ZNF671: variants seen among roughly 807,000 people sequenced by gnomAD.
ZNF671 encodes the protein zinc finger protein 671.
ZNF671 carries 19 observed loss-of-function variants against 16.6 expected under a neutral mutation model. The observed-to-expected ratio is 1.14, with a 90% CI of 0.80 to 1.68. The LOEUF (loss-of-function observed/expected upper bound fraction) is 1.68, where lower values mean the gene tolerates loss of function less well. Ranked by LOEUF, ZNF671 falls within the 40% of genes most tolerant of loss-of-function variation. The pLI is 0.00. For missense variants in ZNF671, 637 were observed against 659.8 expected (o/e 0.97, Z 0.38); for synonymous variants, 238 against 236.3 (o/e 1.01, Z -0.06).
At chr19:57,721,778 A>C in intron 3 of ZNF671, 81 bp from the exon 4 acceptor site, 1 of 1,512,198 alleles carries the variant, frequency 6.6e-7, no homozygotes, top group East Asian at 2.3e-5. Context: ...CATTTGACAC[A>C]TGCAGGAATA....
intron 1 of ZNF671, among the ~76,000 whole-genome samples, chr19:57,724,692 A>T (rs1985988291): frequency 6.6e-6 from 1 of 151,960 alleles, no homozygotes; most frequent in Non-Finnish European, 1.5e-5. Context: ...TGCCCGGCTA[A>T]TTTTTTGTAT....
chr19:57,720,751 T>C lies in ZNF671; in HGVS notation c.1335A>G (p.Arg445=). 1 of 1,614,208 alleles carries C rather than the reference T, an allele frequency of 6.2e-7. No individual in the cohort carries two copies. Among genetic ancestry groups the C allele is most frequent in the Non-Finnish European group, 8.5e-7 (1 of 1,180,036 alleles). Residue 445 remains arginine (R), a synonymous_variant, in exon 4 of 4, where the codon AGA becomes AGG. Coordinates refer to ENST00000317398, the MANE Select transcript of ZNF671 (RefSeq NM_024833.3). The part of the protein sequence containing the change: ...SQSSHLNVHW[R]IHSSDYECSR... Reference sequence around the variant, plus strand: ...TACACTCATAATCACTGCTGTGAATTCTCCAGTGTACATTAAGGTGGGAGC... The same window carrying C: ...TACACTCATAATCACTGCTGTGAATCCTCCAGTGTACATTAAGGTGGGAGC...
Position 57,721,068 on chromosome 19 carries a change from G to A in ZNF671, c.1018C>T (p.Pro340Ser). 6.2e-7 allele frequency: 1 copy of A among 1,614,150 alleles called. No individual in the cohort carries two copies. The highest frequency in any genetic ancestry group is 8.5e-7 in the Non-Finnish European group (1 of 1,180,028). Residue 340 changes from proline to serine, a missense_variant, in exon 4 of 4, where the codon CCA becomes TCA. Pro to Ser is a moderately conservative substitution (Grantham distance 74). Coordinates refer to ENST00000317398, the MANE Select transcript of ZNF671 (RefSeq NM_024833.3). ...TTCCCACATTCGCTGCACTCGTATGGCCTTTCTCCAGTGTGAACTGTCTGG... is the reference window on the plus strand; with the variant it reads ...TTCCCACATTCGCTGCACTCGTATGACCTTTCTCCAGTGTGAACTGTCTGG... ...KHQTVHTGERPYECSECGKFF... is the reference protein window; with the variant it reads ...KHQTVHTGERSYECSECGKFF...
chr19:57,726,442 C>T (rs1191365039), intron 1 of ZNF671, among the ~76,000 whole-genome samples: 1 of 152,082 alleles, frequency 6.6e-6, no homozygotes, highest in Non-Finnish European at 1.5e-5. Flanking sequence ...TACCCTACAG[C>T]TCTCTCCTCC....
At chr19:57,727,366 A>T in intron 1 of ZNF671, 25 bp downstream of exon 1, 4 of 1,579,280 alleles carry the variant, frequency 2.5e-6, no homozygotes, top group Non-Finnish European at 3.5e-6. Context: ...AGGGTGACTG[A>T]GGGCCCGGAG....
rs1985798927 is a variant in ZNF671 at position 57,720,184 on chromosome 19, G to C, written c.*297C>G. ...ATCTCACATACTTGACACTCACAGG[G>C]AATCTCCCCAGTGGGAATGTCCATA... On this transcript the variant is annotated 3_prime_UTR_variant, in exon 4 of 4. Coordinates refer to ENST00000317398, the MANE Select transcript of ZNF671 (RefSeq NM_024833.3). The C allele has an allele frequency of 1.0e-5, 4 of 401,838 alleles. No individual in the cohort carries two copies. Among genetic ancestry groups the C allele is most frequent in the Non-Finnish European group, 1.8e-5 (4 of 220,690 alleles). The allele number at this position is 401,838 out of a possible 1,614,324, so 24.9% of individuals were successfully genotyped here.
rs775580998 is a variant in ZNF671, at chr19:57,720,692, T to G, written c.1394A>C (p.Lys465Thr). 4.3e-6 allele frequency: 7 copies of G among 1,614,074 alleles called. No individual in the cohort carries two copies. The Admixed American group carries it at 5.0e-5, about 12-fold the overall frequency. ...RCGKAFSCIS[K>T]LIQHQKVHSG... ...GTGAACTTTCTGGTGCTGAATGAGT[T>G]TGGAGATGCAGCTGAAAGCTTTACC... Residue 465 changes from lysine (K) to threonine (T), a missense_variant, in exon 4 of 4, where the codon AAA becomes ACA. Lys to Thr is a moderately conservative substitution (Grantham distance 78). Transcript: ENST00000317398.
Position 57,727,577 on chromosome 19 carries a change from A to G in ZNF671, c.-49T>C. 1.3e-6 allele frequency: 2 copies of G among 1,565,688 alleles called. No individual in the cohort carries two copies. The highest frequency in any genetic ancestry group is 1.7e-6 in the Non-Finnish European group (2 of 1,148,460). ...TCCACCTGCGGCCCACACAAGCGTT[A>G]CAGAACCCCGGCCAGGGACAGCCTG... On this transcript the variant is annotated 5_prime_UTR_variant, in exon 1 of 4. Coordinates refer to ENST00000317398, the MANE Select transcript of ZNF671 (RefSeq NM_024833.3).
chr19:57,721,819 C>T (rs910990708), intron 3 of ZNF671, 122 bp from the exon 4 acceptor site: 17 of 1,363,194 alleles, frequency 1.2e-5, no homozygotes, highest in African/African-American at 5.8e-5. Flanking sequence ...GAATGAGAGG[C>T]ATGGTCAGAG....
In ZNF671 at chr19:57,727,423, C is replaced by T. The variant is rs1986086668; in HGVS notation, c.106G>A (p.Gly36Ser). 6.2e-7 allele frequency: 1 copy of T among 1,612,924 alleles called. No individual in the cohort carries two copies. The highest frequency in any genetic ancestry group is 8.5e-7 in the Non-Finnish European group (1 of 1,179,510). ...GAGTCCGTTAGCTCCGCCATAGGACCGTGGGCGCGGACAGCTGCCGGGAGC... is the reference window on the plus strand; with the variant it reads ...GAGTCCGTTAGCTCCGCCATAGGACTGTGGGCGCGGACAGCTGCCGGGAGC... ...LPLPAAVRAH[G>S]PMAELTDSAR... The change falls in exon 1 of 4, where the codon GGT (glycine) becomes AGT (serine). Residue 36 changes from glycine to serine, a missense_variant. Physicochemically the swap from Gly to Ser is moderately conservative, Grantham distance 56. Coordinates refer to ENST00000317398, the MANE Select transcript of ZNF671 (RefSeq NM_024833.3).
intron 1 of ZNF671, among the ~76,000 whole-genome samples, chr19:57,726,073 G>T: frequency 6.7e-6 from 1 of 148,518 alleles, no homozygotes; most frequent in Non-Finnish European, 1.5e-5. Context: ...CACGGTGAAC[G>T]TCCCCCCCAC....
At position 57,721,660 on chromosome 19, in the gene ZNF671, A is replaced by G; in HGVS notation, c.426T>C (p.Ser142=). 1.2e-6 allele frequency: 2 copies of G among 1,614,086 alleles called. No homozygotes were observed. The highest frequency in any genetic ancestry group is 1.1e-5 in the South Asian group (1 of 91,080). ...CTCCTGCTACAAAAATGCTCTGCTC[A>G]GAAGATACCTCTTCATCCTCCACTC... The part of the protein sequence containing the change: ...WHGVEDEEVS[S]EQSIFVAGVS... The change falls in exon 4 of 4, where the codon TCT becomes TCC. Residue 142 remains serine (S), a synonymous_variant. Transcript: ENST00000317398.
At chr19:57,724,715 C>T (rs1313970500) in intron 1 of ZNF671, among the ~76,000 whole-genome samples, 1 of 151,990 alleles carries the variant, frequency 6.6e-6, no homozygotes, top group Non-Finnish European at 1.5e-5. Context: ...TCAGTAGAGA[C>T]AAGGTTTCAC....
chr19:57,727,025 C>G (rs1267276266), intron 1 of ZNF671: 3 of 193,142 alleles, frequency 1.6e-5, no homozygotes, highest in African/African-American at 7.0e-5. Context: ...AATGTTCTCC[C>G]CTGAGCAAAT....
Position 57,720,280 on chromosome 19 carries a change from G to C in ZNF671, c.*201C>G. On this transcript the variant is annotated 3_prime_UTR_variant, in exon 4 of 4. Coordinates refer to ENST00000317398, the MANE Select transcript of ZNF671 (RefSeq NM_024833.3). ...CTCCCAGAGTTCCACTCTAGGGTGA[G>C]CTGTTGGGCTGAACAGAGACAGCAC... The C allele has an allele frequency of 1.4e-6, 1 of 719,048 alleles. No individual in the cohort carries two copies. The highest frequency in any genetic ancestry group is 2.0e-5 in the South Asian group (1 of 50,554). The allele number at this position is 719,048 out of a possible 1,614,324, so 44.5% of individuals were successfully genotyped here. A position where few individuals can be genotyped will look rare whatever the true frequency, so the allele number is the denominator to read the frequency against.
At chr19:57,721,887 C>T in intron 3 of ZNF671, 190 bp from the exon 4 acceptor site, 1 of 745,504 alleles carries the variant, frequency 1.3e-6, no homozygotes, top group South Asian at 2.0e-5. Flanking sequence ...TGGGGGAGTG[C>T]CAATGAAGGG....
chr19:57,722,535 G>A (rs377051154), intron 2 of ZNF671, 97 bp from the exon 3 acceptor site: 13 of 1,554,746 alleles, frequency 8.4e-6, no homozygotes, highest in African/African-American at 1.4e-5. Flanking sequence ...GGGAGGAGTT[G>A]TGCAGGAATA....
chr19:57,726,478 A>T (rs957808035), intron 1 of ZNF671, among the ~76,000 whole-genome samples: 1 of 151,994 alleles, frequency 6.6e-6, no homozygotes, highest in African/African-American at 2.4e-5. Context: ...GAACCCTTTC[A>T]AATGGCAGGA....
At chr19:57,721,787 TA>T in intron 3 of ZNF671, 90 bp from the exon 4 acceptor site, 1 of 1,497,242 alleles carries the variant, frequency 6.7e-7, no homozygotes, top group Non-Finnish European at 9.0e-7. Flanking sequence ...CATGCAGGAA[TA>T]AGTTCATGAA....
Sources: allele counts gnomAD v4.1 joint callset (sites outside exome capture counted in the v4.1 genomes callset), GRCh38; gene constraint gnomAD v4.1.1; transcripts MANE v1.5; gene names NCBI Gene and HGNC (gene_info 2026-07-23, HGNC 2026-07-21).